The following BICC1 variants were observed in gnomAD, a reference collection of about 807,000 sequenced individuals.
BICC1 encodes the protein BicC family RNA binding protein 1, also known as protein bicaudal C homolog 1.
Under a neutral mutation model 111.0 loss-of-function variants are expected in BICC1, and 43 were observed. That is an observed-to-expected ratio of 0.39 (90% confidence interval 0.30 to 0.50). The LOEUF is 0.50. Ranked by LOEUF, BICC1 falls within the 20% of genes least tolerant of loss-of-function variation. The pLI is 0.88. For synonymous variants in BICC1, 467 were observed against 434.4 expected (o/e 1.07, Z -0.93); for missense variants, 1,091 against 1,203.2 (o/e 0.91, Z 1.38).
chr10:58,782,587 A>G (rs1343389989), intron 3 of BICC1, among the ~76,000 whole-genome samples: 1 of 152,238 alleles, frequency 6.6e-6, no homozygotes, highest in Non-Finnish European at 1.5e-5. Context: ...CATTTTCAGT[A>G]GAGGTTAACT....
Position 58,829,731 on chromosome 10 carries a change from A to C in BICC1, c.*840A>C, listed in dbSNP as rs940321011. 53 of 152,322 alleles carry C rather than the reference A, an allele frequency of 3.5e-4. No individual in the cohort carries two copies. Among genetic ancestry groups the C allele is most frequent in the African/African-American group, 1.3e-3 (52 of 41,584 alleles). 9.4% of individuals were successfully genotyped at this position (152,322 alleles called of 1,614,324 possible). ...TACTTAGCTGCTGCCTGTAATGCTA[A>C]AATGATTTTAATGGTTGTCTGGAGG... is the stretch of plus-strand genomic sequence containing the variant. On this transcript the variant is annotated 3_prime_UTR_variant, in exon 21 of 21. Transcript: ENST00000373886.
At chr10:58,534,298 A>ACTTT (rs1842768442) in intron 1 of BICC1, among the ~76,000 whole-genome samples, 1 of 151,716 alleles carries the variant, frequency 6.6e-6, no homozygotes, top group South Asian at 2.1e-4. Context: ...CAACATAGGA[A>ACTTT]CTAAACAGAA....
At chr10:58,562,227 A>G (rs969961102) in intron 1 of BICC1, among the ~76,000 whole-genome samples, 7 of 152,126 alleles carry the variant, frequency 4.6e-5, no homozygotes, top group African/African-American at 1.4e-4. Context: ...TTGAATTCCT[A>G]TAATGCGAAA....
At chr10:58,524,450 A>G (rs1169495410) in intron 1 of BICC1, among the ~76,000 whole-genome samples, 8 of 152,102 alleles carry the variant, frequency 5.3e-5, no homozygotes, top group African/African-American at 1.9e-4. Context: ...GCAATGGGGA[A>G]AGGATTCCCT....
At chr10:58,779,129 G>A (rs747780936) in intron 3 of BICC1, among the ~76,000 whole-genome samples, 4 of 152,124 alleles carry the variant, frequency 2.6e-5, no homozygotes, top group South Asian at 2.1e-4. Context: ...AGAAGCCAGG[G>A]GGAAACATGT....
chr10:58,519,890 A>G (rs1290277834), intron 1 of BICC1, among the ~76,000 whole-genome samples: 1 of 151,814 alleles, frequency 6.6e-6, no homozygotes, highest in African/African-American at 2.4e-5. Flanking sequence ...AAAAATGCTT[A>G]TTTCACTTTT....
intron 1 of BICC1, among the ~76,000 whole-genome samples, chr10:58,571,428 C>G (rs1843947627): frequency 6.6e-6 from 1 of 152,190 alleles, no homozygotes. Flanking sequence ...CCCACATTGT[C>G]CCATCACCCA....
intron 3 of BICC1, among the ~76,000 whole-genome samples, chr10:58,718,497 G>T (rs1428063042): frequency 6.6e-6 from 1 of 152,078 alleles, no homozygotes; most frequent in Non-Finnish European, 1.5e-5. Context: ...GGTAAAATTA[G>T]ACTTTTAAAT....
intron 3 of BICC1, among the ~76,000 whole-genome samples, chr10:58,702,816 A>T (rs1304457423): frequency 6.6e-6 from 1 of 152,206 alleles, no homozygotes; most frequent in African/African-American, 2.4e-5. Flanking sequence ...AGTATATTTC[A>T]TTAGAAGAAT....
chr10:58,541,766 AAAAC>A (rs1444057844), intron 1 of BICC1, among the ~76,000 whole-genome samples: 3 of 152,148 alleles, frequency 2.0e-5, no homozygotes, highest in African/African-American at 7.2e-5. Context: ...TGAGAAAAGA[AAAAC>A]AAAGCTCGAA....
chr10:58,615,224 G>A (rs542546876), intron 1 of BICC1, among the ~76,000 whole-genome samples: 6 of 152,208 alleles, frequency 3.9e-5, no homozygotes, highest in Admixed American at 3.3e-4. Context: ...TTTAATATTG[G>A]CATATTTTAA....
intron 1 of BICC1, among the ~76,000 whole-genome samples, chr10:58,616,100 G>T (rs1026302588): frequency 6.6e-6 from 1 of 152,160 alleles, no homozygotes; most frequent in Non-Finnish European, 1.5e-5. Flanking sequence ...AGGGTGCCTG[G>T]AGGCCAGGCT....
At chr10:58,749,303 A>T (rs1589098638) in intron 3 of BICC1, among the ~76,000 whole-genome samples, 1 of 152,098 alleles carries the variant, frequency 6.6e-6, no homozygotes, top group Non-Finnish European at 1.5e-5. Flanking sequence ...GGTTTCTGTT[A>T]TGCTCTATTT....
At chr10:58,804,453 G>A (rs1167079318) in intron 15 of BICC1, among the ~76,000 whole-genome samples, 1 of 152,136 alleles carries the variant, frequency 6.6e-6, no homozygotes, top group Non-Finnish European at 1.5e-5. Flanking sequence ...GGGAGGCAGA[G>A]GTTGCTGTGA....
intron 1 of BICC1, among the ~76,000 whole-genome samples, chr10:58,542,429 AGGGGAAAAGCTTCATGACATTGGGTTT>A (rs570237825): frequency 8.9e-4 from 135 of 152,200 alleles, no homozygotes; most frequent in African/African-American, 3.2e-3. Flanking sequence ...AGAAGAAAAC[AGGGGAAAAGCTTCATGACATTGGGTTT>A]GGCAATGATT....
intron 17 of BICC1, among the ~76,000 whole-genome samples, chr10:58,811,502 C>T (rs567056269): frequency 6.6e-6 from 1 of 152,306 alleles, no homozygotes; most frequent in Admixed American, 6.5e-5. Context: ...AACTTCATTT[C>T]CCTATACCCA....
intron 3 of BICC1, among the ~76,000 whole-genome samples, chr10:58,750,320 G>A (rs752034111): frequency 5.9e-5 from 9 of 152,028 alleles, no homozygotes; most frequent in Admixed American, 1.3e-4. Context: ...CCATAGACAA[G>A]CATTATTAAT....
intron 3 of BICC1, among the ~76,000 whole-genome samples, chr10:58,744,768 G>C (rs559392937): frequency 6.6e-5 from 10 of 152,104 alleles, no homozygotes; most frequent in Non-Finnish European, 1.5e-4. Context: ...ATCTGCCTCT[G>C]GACCAGGGTT....
intron 3 of BICC1, among the ~76,000 whole-genome samples, chr10:58,723,054 T>A (rs1291185531): frequency 6.6e-6 from 1 of 152,232 alleles, no homozygotes; most frequent in Non-Finnish European, 1.5e-5. Context: ...TGGTTTCTAG[T>A]CTTCAGTTCT....
Sources: allele counts gnomAD v4.1 joint callset (sites outside exome capture counted in the v4.1 genomes callset), GRCh38; gene constraint gnomAD v4.1.1; transcripts MANE v1.5; gene names NCBI Gene and HGNC (gene_info 2026-07-23, HGNC 2026-07-21).